ERBB4: variants seen among roughly 807,000 people sequenced by gnomAD.
The protein encoded by ERBB4 is erb-b2 receptor tyrosine kinase 4.
Under a neutral mutation model 158.0 loss-of-function variants are expected in ERBB4, and 42 were observed. The observed-to-expected ratio is 0.27, with a 90% confidence interval of 0.21 to 0.34. The LOEUF is 0.34. Ranked by LOEUF, ERBB4 falls within the 10% of genes least tolerant of loss-of-function variation. ERBB4 has a pLI of 1.00. For synonymous variants in ERBB4, 583 were observed against 558.7 expected (o/e 1.04, Z -0.61); for missense variants, 1,333 against 1,624.1 (o/e 0.82, Z 3.08).
At chr2:211,518,790 G>T (rs144294643) in intron 20 of ERBB4, among the ~76,000 whole-genome samples, 1 of 152,008 alleles carries the variant, frequency 6.6e-6, no homozygotes, top group Non-Finnish European at 1.5e-5. Context: ...CATACAAAAT[G>T]GCCATAATTA....
rs143402706 is a variant in ERBB4 at position 211,448,003 on chromosome 2, C to T, written c.2488-16903G>A. Reference sequence around the variant, plus strand: ...ATTATTATTTTTTGAGACAGAGTCTCGCTCTGTCACCCAGGATGGAGTGCA... The same window carrying T: ...ATTATTATTTTTTGAGACAGAGTCTTGCTCTGTCACCCAGGATGGAGTGCA... On this transcript the variant is annotated intron_variant, in intron 20 of 27. Coordinates refer to ENST00000342788, the MANE Select transcript of ERBB4 (RefSeq NM_005235.3). Among the ~76,000 whole-genome samples, 584 of 152,088 alleles carry T rather than the reference C, an allele frequency of 3.8e-3. 5 individuals carry two copies. The highest frequency in any genetic ancestry group is 0.014 in the African/African-American group (561 of 41,498).
rs79937638 is a variant in ERBB4 at position 212,050,740 on chromosome 2, G to A, written c.234+74012C>T. Among the ~76,000 whole-genome samples, 186 of 152,156 alleles carry A rather than the reference G, an allele frequency of 1.2e-3. 4 individuals carry two copies. The East Asian group carries it at 0.032, about 26-fold the overall frequency. On this transcript the variant is annotated intron_variant, in intron 2 of 27. Transcript: ENST00000342788. ...CTGCACACATGATTATGGTGATTAA[G>A]GATGTTGTATCATTCTCATTCACTT...
At chr2:211,830,476 G>T (rs1274214207) in intron 3 of ERBB4, among the ~76,000 whole-genome samples, 2 of 151,968 alleles carry the variant, frequency 1.3e-5, no homozygotes, top group Non-Finnish European at 2.9e-5. Flanking sequence ...TTGACTTAAA[G>T]ATACATTTAA....
chr2:212,435,806 C>T (rs912646621), intron 1 of ERBB4, among the ~76,000 whole-genome samples: 5 of 151,666 alleles, frequency 3.3e-5, no homozygotes, highest in Admixed American at 2.6e-4. Context: ...GGATTTGATC[C>T]CAGGGTTCTC....
chr2:212,389,930 T>TAA (rs1240504646), intron 1 of ERBB4, among the ~76,000 whole-genome samples: 2 of 145,292 alleles, frequency 1.4e-5, no homozygotes, highest in Admixed American at 6.9e-5. Context: ...TCTGTCTTAT[T>TAA]AAAAAAAAAA....
intron 3 of ERBB4, among the ~76,000 whole-genome samples, chr2:211,815,716 G>A (rs1320436406): frequency 6.6e-6 from 1 of 152,206 alleles, no homozygotes; most frequent in African/African-American, 2.4e-5. Context: ...CTGTGAGGAT[G>A]TTGCCAGAGG....
chr2:211,830,162 T>G (rs1247663731), intron 3 of ERBB4, among the ~76,000 whole-genome samples: 3 of 152,222 alleles, frequency 2.0e-5, no homozygotes, highest in Non-Finnish European at 4.4e-5. Flanking sequence ...CTGTGTCTTA[T>G]TTGTTTACTT....
At chr2:212,236,564 T>C (rs146240268) in intron 1 of ERBB4, among the ~76,000 whole-genome samples, 4 of 152,326 alleles carry the variant, frequency 2.6e-5, no homozygotes, top group South Asian at 2.1e-4. Flanking sequence ...TTAATATCTC[T>C]GGTGGAATTT....
chr2:212,341,144 G>A (rs2088690922), intron 1 of ERBB4, among the ~76,000 whole-genome samples: 1 of 151,450 alleles, frequency 6.6e-6, no homozygotes, highest in Non-Finnish European at 1.5e-5. Context: ...TTCTTTGTGG[G>A]AATTATAAAT....
At chr2:211,669,543 A>T (rs748580355) in intron 14 of ERBB4, among the ~76,000 whole-genome samples, 3 of 152,148 alleles carry the variant, frequency 2.0e-5, no homozygotes, top group Non-Finnish European at 4.4e-5. Context: ...ACTGCCTAAA[A>T]GTAATGAAAG....
chr2:211,602,238 C>T (rs1347857164), intron 19 of ERBB4, among the ~76,000 whole-genome samples: 1 of 152,074 alleles, frequency 6.6e-6, no homozygotes, highest in Non-Finnish European at 1.5e-5. Context: ...ATAACCTTCC[C>T]ATAGTTCTTT....
rs1480195605 is a variant in ERBB4, at chr2:211,905,681, T to TATATAC, written c.421+41748_421+41749insGTATAT. ...ATATATATATATATATATATATATA[T>TATATAC]ACACACATATATGTGTGTGTATGTG... On this transcript the variant is annotated intron_variant, in intron 3 of 27. Coordinates refer to ENST00000342788, the MANE Select transcript of ERBB4 (RefSeq NM_005235.3). Among the ~76,000 whole-genome samples, 286 of 110,564 alleles carry TATATAC rather than the reference T, an allele frequency of 2.6e-3. 1 individual carries two copies. Among genetic ancestry groups the TATATAC allele is most frequent in the Admixed American group, 3.2e-3 (36 of 11,404 alleles). 72.5% of individuals were successfully genotyped at this position (110,564 alleles called of 152,430 possible).
intron 20 of ERBB4, among the ~76,000 whole-genome samples, chr2:211,535,940 GC>G: frequency 6.6e-6 from 1 of 151,354 alleles, no homozygotes. Flanking sequence ...ATATTAACAG[GC>G]CTACACATGT....
chr2:211,825,854 T>C (rs1255249186), intron 3 of ERBB4, among the ~76,000 whole-genome samples: 1 of 147,012 alleles, frequency 6.8e-6, no homozygotes, highest in East Asian at 1.9e-4. Flanking sequence ...TATATTTTAT[T>C]ATATTATATT....
At chr2:212,514,521 G>T (rs1575064480) in intron 1 of ERBB4, among the ~76,000 whole-genome samples, 1 of 152,032 alleles carries the variant, frequency 6.6e-6, no homozygotes, top group African/African-American at 2.4e-5. Context: ...TAAATTCATT[G>T]CTAGGCTGGG....
At chr2:212,415,270 G>A (rs1342306740) in intron 1 of ERBB4, among the ~76,000 whole-genome samples, 1 of 152,144 alleles carries the variant, frequency 6.6e-6, no homozygotes, top group Non-Finnish European at 1.5e-5. Context: ...TGTTTTACAA[G>A]TTTAGAGATT....
At chr2:211,597,070 T>C (rs73078713) in intron 19 of ERBB4, among the ~76,000 whole-genome samples, 1,932 of 152,266 alleles carry the variant, frequency 0.013, 34 homozygotes, top group African/African-American at 0.044. Context: ...CCAGCCCCAC[T>C]TACTCACTCT....
chr2:212,323,205 A>G (rs2087650767), intron 1 of ERBB4, among the ~76,000 whole-genome samples: 1 of 150,550 alleles, frequency 6.6e-6, no homozygotes, highest in South Asian at 2.1e-4. Context: ...ACCTCTTTTG[A>G]CTAAATTATT....
chr2:211,778,845 T>C (rs2106293950), intron 4 of ERBB4: 1 of 152,346 alleles, frequency 6.6e-6, no homozygotes, highest in Middle Eastern at 3.4e-3. Context: ...CGGCAGTCCT[T>C]CTTACTCCTT....
Sources: gnomAD v4.1 joint callset for allele counts (sites outside exome capture counted in the v4.1 genomes callset) on GRCh38, gnomAD v4.1.1 for gene constraint, MANE v1.5 for transcripts, NCBI Gene and HGNC (gene_info 2026-07-23, HGNC 2026-07-21) for gene names.